Variants in CD34 observed in about 807,000 individuals in gnomAD.
CD34 encodes the protein hematopoietic progenitor cell antigen CD34.
A neutral mutation model predicts 40.1 loss-of-function variants in CD34; 34 were observed. That is an observed-to-expected ratio of 0.85 (90% CI 0.65 to 1.13). The LOEUF is 1.13. Among genes scored for constraint, CD34 ranks in the 50% most tolerant of loss-of-function variants. The pLI, the probability that CD34 is intolerant of heterozygous loss-of-function variation, is 0.00. For synonymous variants in CD34, 209 were observed against 190.0 expected (o/e 1.10, Z -0.82); for missense variants, 426 against 466.9 (o/e 0.91, Z 0.81).
chr1:207,882,110 C>A lies in CD34; in HGVS notation c.*5628G>T, dbSNP rs1294135176. The A allele has an allele frequency of 6.6e-6, 1 of 152,210 alleles. No homozygotes were observed. Among genetic ancestry groups the A allele is most frequent in the Non-Finnish European group, 1.5e-5 (1 of 68,044 alleles). 9.4% of individuals were successfully genotyped at this position (152,210 alleles called of 1,614,324 possible). ...TTTTCTTATGCCTCCTGTTAACTAACTCTAAAAACCCTGGACATTATATAT... is the reference window on the plus strand; with the variant it reads ...TTTTCTTATGCCTCCTGTTAACTAAATCTAAAAACCCTGGACATTATATAT... On this transcript the variant is annotated 3_prime_UTR_variant, in exon 8 of 8. Transcript: ENST00000310833.
intron 4 of CD34, chr1:207,890,349 A>T: frequency 2.2e-6 from 1 of 456,614 alleles, no homozygotes; most frequent in Non-Finnish European, 2.9e-6. Context: ...TCCTCCCCTG[A>T]ACAGGAAAGG....
intron 2 of CD34, 71 bp from the exon 3 acceptor site, chr1:207,899,297 T>A: frequency 6.6e-7 from 1 of 1,513,950 alleles, no homozygotes. Flanking sequence ...CAGGTCATGA[T>A]ATGGGCATGC....
chr1:207,884,270 A>C lies in CD34; in HGVS notation c.*3468T>G, dbSNP rs960705272. ...AGTAACCACCATATGTAAAATACCA[A>C]CCATTATTCTCAATATATTTTATGT... On this transcript the variant is annotated 3_prime_UTR_variant, in exon 8 of 8. Coordinates refer to ENST00000310833, the MANE Select transcript of CD34 (RefSeq NM_001025109.2). 4 of 152,258 alleles carry C rather than the reference A, an allele frequency of 2.6e-5. No homozygotes were observed. The highest frequency in any genetic ancestry group is 6.5e-5 in the Admixed American group (1 of 15,290). The allele number at this position is 152,258 out of a possible 1,614,324, so 9.4% of individuals were successfully genotyped here.
Position 207,885,842 on chromosome 1 carries a change from A to AT in CD34, c.*1895dup, listed in dbSNP as rs1661886661. The AT allele has an allele frequency of 6.6e-6, 1 of 152,148 alleles. No homozygotes were observed. Among genetic ancestry groups the AT allele is most frequent in the South Asian group, 2.1e-4 (1 of 4,812 alleles). The allele number at this position is 152,148 out of a possible 1,614,324, so 9.4% of individuals were successfully genotyped here. ...GCTTTATGGAGATAAGAATGGAAGA[A>AT]TCAACCTTTGTTTGGCCCCAACTGC... is the stretch of plus-strand genomic sequence containing the variant. On this transcript the variant is annotated 3_prime_UTR_variant, in exon 8 of 8. Coordinates refer to ENST00000310833, the MANE Select transcript of CD34 (RefSeq NM_001025109.2).
rs948926958 is a variant in CD34 at position 207,885,585 on chromosome 1, C to G, written c.*2153G>C. ...GGACAGACCCTCACTGGATTACTCTCAAGGCAAGATGTGCAACTAGATGCA... is the reference window on the plus strand; with the variant it reads ...GGACAGACCCTCACTGGATTACTCTGAAGGCAAGATGTGCAACTAGATGCA... On this transcript the variant is annotated 3_prime_UTR_variant, in exon 8 of 8. Coordinates refer to ENST00000310833, the MANE Select transcript of CD34 (RefSeq NM_001025109.2). 1 of 151,974 alleles carries G rather than the reference C, an allele frequency of 6.6e-6. No homozygotes were observed. Among genetic ancestry groups the G allele is most frequent in the Non-Finnish European group, 1.5e-5 (1 of 68,026 alleles). 9.4% of individuals were successfully genotyped at this position (151,974 alleles called of 1,614,324 possible).
intron 4 of CD34, among the ~76,000 whole-genome samples, chr1:207,892,334 T>C (rs1005695835): frequency 2.0e-5 from 3 of 152,088 alleles, no homozygotes; most frequent in Non-Finnish European, 2.9e-5. Context: ...TCCCAGCACT[T>C]TGGGAGGCCG....
chr1:207,896,977 T>C (rs1402712184), intron 4 of CD34, among the ~76,000 whole-genome samples: 1 of 152,078 alleles, frequency 6.6e-6, no homozygotes, highest in African/African-American at 2.4e-5. Flanking sequence ...GAGGGAGTCA[T>C]TCAACAAATA....
rs574201152 is a variant in CD34 at position 207,886,508 on chromosome 1, C to T, written c.*1230G>A. ...AGGGTGTCACTCTTGCATGCAGACA[C>T]ACCCAGCTAAGACAGAGTCACATAA... On this transcript the variant is annotated 3_prime_UTR_variant, in exon 8 of 8. Transcript: ENST00000310833. The T allele has an allele frequency of 2.0e-5, 3 of 152,498 alleles. No homozygotes were observed. The highest frequency in any genetic ancestry group is 1.9e-4 in the East Asian group (1 of 5,186). 9.4% of individuals were successfully genotyped at this position (152,498 alleles called of 1,614,324 possible). A position where few individuals can be genotyped will look rare whatever the true frequency, so the allele number is the denominator to read the frequency against.
rs140310680 is a variant in CD34 at position 207,890,215 on chromosome 1, T to A, written c.598-594A>T. 447 of 1,001,410 alleles carry A rather than the reference T, an allele frequency of 4.5e-4. 2 individuals carry two copies. In the African/African-American group the frequency reaches 7.4e-3, roughly 17 times the overall value. 62.0% of individuals were successfully genotyped at this position (1,001,410 alleles called of 1,614,324 possible). A position where few individuals can be genotyped will look rare whatever the true frequency, so the allele number is the denominator to read the frequency against. On this transcript the variant is annotated intron_variant, in intron 4 of 7. Coordinates refer to ENST00000310833, the MANE Select transcript of CD34 (RefSeq NM_001025109.2). The stretch of plus-strand genomic sequence containing the variant: ...TGGAACCCAGTTTTAATGAAGTTCA[T>A]AGATTTTTCTTCAGGTTGCTGACTG...
At position 207,886,658 on chromosome 1, in the gene CD34, TC is replaced by T. The variant is rs2102293112; in HGVS notation, c.*1079del. ...TTTCCAACCGTCATTGAAACCAGGATCCCTGCTCAACCCCTCTGGAAAGAAA... is the reference window on the plus strand; with the variant it reads ...TTTCCAACCGTCATTGAAACCAGGATCCTGCTCAACCCCTCTGGAAAGAAA... On this transcript the variant is annotated 3_prime_UTR_variant, in exon 8 of 8. Transcript: ENST00000310833. 1 of 152,734 alleles carries T rather than the reference TC, an allele frequency of 6.5e-6. No homozygotes were observed. Among genetic ancestry groups the T allele is most frequent in the Admixed American group, 6.5e-5 (1 of 15,298 alleles). The allele number at this position is 152,734 out of a possible 1,614,324, so 9.5% of individuals were successfully genotyped here.
rs371009062 is a variant in CD34 at position 207,889,175 on chromosome 1, A to G, written c.793T>C (p.Ser265Pro). 2.4e-5 allele frequency: 39 copies of G among 1,597,182 alleles called. No individual in the cohort carries two copies. The African/African-American group carries it at 3.8e-4, about 15-fold the overall frequency. ...AGAGGACTTACCTTTTTCAGGTCAGATTGGTGCTTTTTCATAAGTTGGAGT... is the reference window on the plus strand; with the variant it reads ...AGAGGACTTACCTTTTTCAGGTCAGGTTGGTGCTTTTTCATAAGTTGGAGT... ...SKLQLMKKHQ[S>P]DLKKLGILDF... Residue 265 changes from serine to proline, a missense_variant, in exon 6 of 8, where the codon TCT (serine) becomes CCT (proline). Ser to Pro is a moderately conservative substitution (Grantham distance 74). Transcript: ENST00000310833.
rs1483955349 is a variant in CD34, at chr1:207,889,584, C to A, written c.635G>T (p.Arg212Leu). ...AGCCTGCTCCTCCCCACACAGCACT[C>A]GGGCCAGGCCCTCTCCCCTGTCCTT... The part of the protein sequence containing the change: ...FKKDRGEGLA[R>L]VLCGEEQADA... Residue 212 changes from arginine (R) to leucine (L), a missense_variant, in exon 5 of 8, where the codon CGA becomes CTA. Coordinates refer to ENST00000310833, the MANE Select transcript of CD34 (RefSeq NM_001025109.2). 1 of 1,614,076 alleles carries A rather than the reference C, an allele frequency of 6.2e-7. No individual in the cohort carries two copies. Among genetic ancestry groups the A allele is most frequent in the Non-Finnish European group, 8.5e-7 (1 of 1,179,974 alleles).
At position 207,911,099 on chromosome 1, in the gene CD34, A is replaced by G. The variant is rs765823561; in HGVS notation, c.-19T>C. 1 of 1,561,688 alleles carries G rather than the reference A, an allele frequency of 6.4e-7. No homozygotes were observed. The highest frequency in any genetic ancestry group is 1.2e-5 in the South Asian group (1 of 85,488). On this transcript the variant is annotated 5_prime_UTR_variant, in exon 1 of 8. Transcript: ENST00000310833. ...CCAGCATCCTTCCCGCGCGGCTCCT[A>G]GAGAGACGCACCGAGTGGAAGACAC...
At chr1:207,890,249 G>C (rs759505456) in intron 4 of CD34, 170 of 994,646 alleles carry the variant, frequency 1.7e-4, no homozygotes, top group Non-Finnish European at 1.9e-4. Flanking sequence ...TGGGCCATCA[G>C]ACCCAGGAAT....
intron 7 of CD34, 40 bp from the exon 8 acceptor site, chr1:207,887,963 A>G (rs770724403): frequency 7.5e-7 from 1 of 1,335,900 alleles, no homozygotes; most frequent in Non-Finnish European, 9.8e-7. Flanking sequence ...TCTGGTAAGC[A>G]GGGCTGTGAG....
In CD34 at chr1:207,885,069, AC is replaced by A. The variant is rs1443779250; in HGVS notation, c.*2668del. On this transcript the variant is annotated 3_prime_UTR_variant, in exon 8 of 8. Transcript: ENST00000310833. Reference sequence around the variant, plus strand: ...TGAGCCTTAGTTTGTCTTTAACTATACCATAAGGGAGTTTAATTAAATGTAT... The same window carrying A: ...TGAGCCTTAGTTTGTCTTTAACTATACATAAGGGAGTTTAATTAAATGTAT... 2.0e-5 allele frequency: 3 copies of A among 152,180 alleles called. No individual in the cohort carries two copies. Among genetic ancestry groups the A allele is most frequent in the Non-Finnish European group, 4.4e-5 (3 of 68,042 alleles). The allele number at this position is 152,180 out of a possible 1,614,324, so 9.4% of individuals were successfully genotyped here.
At chr1:207,894,628 G>A (rs993973032) in intron 4 of CD34, among the ~76,000 whole-genome samples, 1 of 152,154 alleles carries the variant, frequency 6.6e-6, no homozygotes, top group Admixed American at 6.5e-5. Context: ...TTACATTTTG[G>A]AAACTATTTG....
chr1:207,905,525 A>G (rs1662357558), intron 1 of CD34, among the ~76,000 whole-genome samples: 1 of 152,136 alleles, frequency 6.6e-6, no homozygotes, highest in African/African-American at 2.4e-5. Flanking sequence ...TACAATATTT[A>G]CTCTCTGGCC....
At chr1:207,902,640 T>C (rs1004179446) in intron 1 of CD34, among the ~76,000 whole-genome samples, 1 of 152,194 alleles carries the variant, frequency 6.6e-6, no homozygotes, top group Non-Finnish European at 1.5e-5. Flanking sequence ...CCCCATCTGG[T>C]CCACCCTGGC....
Sources: allele counts gnomAD v4.1 joint callset (sites outside exome capture counted in the v4.1 genomes callset), GRCh38; gene constraint gnomAD v4.1.1; transcripts MANE v1.5; gene names NCBI Gene and HGNC (gene_info 2026-07-23, HGNC 2026-07-21).